The following PRKG1 variants were observed in gnomAD, a reference collection of about 807,000 sequenced individuals.
PRKG1 encodes cGMP-dependent protein kinase 1.
A neutral mutation model predicts 88.1 loss-of-function variants in PRKG1; 35 were observed. That is an observed-to-expected ratio of 0.40 (90% CI 0.30 to 0.53). The LOEUF is 0.53. Among genes scored for constraint, PRKG1 ranks in the 20% least tolerant of loss-of-function variants. The pLI is 0.59. For synonymous variants in PRKG1, 303 were observed against 292.5 expected (o/e 1.04, Z -0.37); for missense variants, 540 against 839.8 (o/e 0.64, Z 4.41).
At chr10:52,076,840 C>A (rs1056707447) in intron 7 of PRKG1, among the ~76,000 whole-genome samples, 1 of 152,098 alleles carries the variant, frequency 6.6e-6, no homozygotes, top group Non-Finnish European at 1.5e-5. Flanking sequence ...ATTGTCTCAA[C>A]GTGATTAGTC....
At chr10:51,156,799 T>C (rs1252520352) in intron 2 of PRKG1, among the ~76,000 whole-genome samples, 2 of 152,016 alleles carry the variant, frequency 1.3e-5, no homozygotes, top group Non-Finnish European at 2.9e-5. Context: ...TAGTTCAATC[T>C]TCTCAAAATT....
chr10:51,464,220 A>G (rs1336692344), intron 2 of PRKG1, among the ~76,000 whole-genome samples: 1 of 151,974 alleles, frequency 6.6e-6, no homozygotes, highest in Non-Finnish European at 1.5e-5. Flanking sequence ...CCTGGGAGGC[A>G]GAGTTTGCCG....
intron 3 of PRKG1, among the ~76,000 whole-genome samples, chr10:51,524,920 T>C (rs570729562): frequency 6.6e-6 from 1 of 152,242 alleles, no homozygotes; most frequent in Non-Finnish European, 1.5e-5. Flanking sequence ...TGAACAGTTT[T>C]TTCAAGAATG....
chr10:51,769,849 A>G lies in PRKG1; in HGVS notation c.593-34736A>G, dbSNP rs566623506. ...AACACTAACAATAGCTGATGAGGGG[A>G]AAAAAAAGTCAAAAAACAAAAACAA... On this transcript the variant is annotated intron_variant, in intron 3 of 17. Coordinates refer to ENST00000373980, the MANE Select transcript of PRKG1 (RefSeq NM_006258.4). 1.1e-3 allele frequency among the ~76,000 whole-genome samples: 173 copies of G among 152,212 alleles called. 2 individuals carry two copies. In the Middle Eastern group the frequency reaches 0.017, roughly 15 times the overall value.
intron 9 of PRKG1, among the ~76,000 whole-genome samples, chr10:52,168,016 G>A (rs1838538333): frequency 2.0e-5 from 3 of 152,258 alleles, no homozygotes; most frequent in Middle Eastern, 3.4e-3. Flanking sequence ...TCCTTGCAAT[G>A]CCTCTGTAGT....
chr10:51,402,880 A>G (rs1485847093), intron 2 of PRKG1, among the ~76,000 whole-genome samples: 1 of 152,218 alleles, frequency 6.6e-6, no homozygotes, highest in Admixed American at 6.5e-5. Flanking sequence ...AGAGGATTGT[A>G]AAAAGGGTCT....
intron 2 of PRKG1, among the ~76,000 whole-genome samples, chr10:51,326,898 G>A (rs2132520223): frequency 6.6e-6 from 1 of 152,266 alleles, no homozygotes; most frequent in Non-Finnish European, 1.5e-5. Flanking sequence ...ATCACATTAT[G>A]CTTGGGAAAC....
intron 9 of PRKG1, among the ~76,000 whole-genome samples, chr10:52,180,537 T>G (rs1838990064): frequency 6.6e-6 from 1 of 152,192 alleles, no homozygotes; most frequent in African/African-American, 2.4e-5. Context: ...TAGGGAAAGA[T>G]TTTACTGATG....
At chr10:52,244,952 A>G (rs1001378289) in intron 9 of PRKG1, among the ~76,000 whole-genome samples, 27 of 145,570 alleles carry the variant, frequency 1.9e-4, no homozygotes, top group African/African-American at 4.7e-4. Flanking sequence ...TATATTTAAA[A>G]TATATTTAAA....
intron 2 of PRKG1, among the ~76,000 whole-genome samples, chr10:51,321,508 A>G (rs776431698): frequency 2.0e-5 from 3 of 152,184 alleles, no homozygotes; most frequent in Non-Finnish European, 4.4e-5. Context: ...GAAATAAGCC[A>G]GGCACGGAAA....
At chr10:51,176,841 A>G (rs191117772) in intron 2 of PRKG1, among the ~76,000 whole-genome samples, 3 of 152,300 alleles carry the variant, frequency 2.0e-5, no homozygotes, top group African/African-American at 7.2e-5. Flanking sequence ...ACTACATACT[A>G]TCAAATTTTA....
chr10:51,640,081 C>T (rs1839759406), intron 3 of PRKG1, among the ~76,000 whole-genome samples: 1 of 152,170 alleles, frequency 6.6e-6, no homozygotes, highest in African/African-American at 2.4e-5. Flanking sequence ...TTCAATAAAG[C>T]TAAGGTGCTT....
chr10:52,203,606 A>G (rs1235765198), intron 9 of PRKG1, among the ~76,000 whole-genome samples: 2 of 152,164 alleles, frequency 1.3e-5, no homozygotes, highest in Non-Finnish European at 2.9e-5. Flanking sequence ...CTATCTAACA[A>G]GTGGTGTGTA....
At position 52,220,438 on chromosome 10, in the gene PRKG1, C is replaced by A. The variant is rs145610989; in HGVS notation, c.1077-31132C>A. Reference sequence around the variant, plus strand: ...TTATATATATATATATATGTAAGTTCAGGGGTGCATGTGCAGATTTGTATA... The same window carrying A: ...TTATATATATATATATATGTAAGTTAAGGGGTGCATGTGCAGATTTGTATA... On this transcript the variant is annotated intron_variant, in intron 9 of 17. Coordinates refer to ENST00000373980, the MANE Select transcript of PRKG1 (RefSeq NM_006258.4). Among the ~76,000 whole-genome samples the A allele has an allele frequency of 5.7e-3, 860 of 151,370 alleles. 7 individuals carry two copies. Among genetic ancestry groups the A allele is most frequent in the African/African-American group, 0.02 (816 of 40,848 alleles).
intron 2 of PRKG1, among the ~76,000 whole-genome samples, chr10:51,431,693 C>T (rs1838775517): frequency 6.6e-6 from 1 of 152,086 alleles, no homozygotes. Flanking sequence ...ATACAGAAAA[C>T]ATAGTTAATA....
chr10:51,625,054 G>C (rs1296636777), intron 3 of PRKG1, among the ~76,000 whole-genome samples: 1 of 152,176 alleles, frequency 6.6e-6, no homozygotes, highest in African/African-American at 2.4e-5. Context: ...TAGAAGATTT[G>C]AATGTTGTCA....
chr10:51,761,579 T>A (rs1838022898), intron 3 of PRKG1, among the ~76,000 whole-genome samples: 1 of 152,236 alleles, frequency 6.6e-6, no homozygotes, highest in African/African-American at 2.4e-5. Context: ...ACAGTATTTT[T>A]ATGCTTTCAA....
intron 2 of PRKG1, among the ~76,000 whole-genome samples, chr10:51,378,776 A>C (rs1842864535): frequency 6.6e-6 from 1 of 152,180 alleles, no homozygotes; most frequent in African/African-American, 2.4e-5. Context: ...CTGAAAAAAA[A>C]ATGGGATAGC....
intron 4 of PRKG1, among the ~76,000 whole-genome samples, chr10:51,852,308 T>TTG (rs201406599): frequency 0.035 from 5,174 of 149,118 alleles, 320 homozygotes; most frequent in African/African-American, 0.12. Flanking sequence ...CTCCAACAGG[T>TTG]TGTGTGTGTG....
Sources: gnomAD v4.1 joint callset for allele counts (sites outside exome capture counted in the v4.1 genomes callset) on GRCh38, gnomAD v4.1.1 for gene constraint, MANE v1.5 for transcripts, NCBI Gene and HGNC (gene_info 2026-07-23, HGNC 2026-07-21) for gene names.